ENTREP2: variants seen among roughly 807,000 people sequenced by gnomAD.
ENTREP2 encodes protein ENTREP2.
chr15:29,294,142 T>C, the ENTREP2 span, among the ~76,000 whole-genome samples: 1 of 151,928 alleles, frequency 6.6e-6, no homozygotes, highest in Non-Finnish European at 1.5e-5. Flanking sequence ...TTAGGGTGGG[T>C]ATGGGCAGCC....
the ENTREP2 span, among the ~76,000 whole-genome samples, chr15:29,528,935 ATTGTT>A: frequency 2.4e-4 from 36 of 152,006 alleles, 1 homozygote; most frequent in Middle Eastern, 0.014. Context: ...AGTGATATGT[ATTGTT>A]TTATCTGCGT....
At chr15:29,223,240 CTCTTGAAAA>C in the ENTREP2 span, among the ~76,000 whole-genome samples, 4 of 152,196 alleles carry the variant, frequency 2.6e-5, no homozygotes, top group Non-Finnish European at 4.4e-5. Flanking sequence ...TTCTTAGCTT[CTCTTGAAAA>C]GTTTCGAGTT....
At chr15:29,583,582 A>T in the ENTREP2 span, among the ~76,000 whole-genome samples, 1 of 152,212 alleles carries the variant, frequency 6.6e-6, no homozygotes, top group East Asian at 1.9e-4. Flanking sequence ...GCAAACCACC[A>T]TGGCACACAT....
the ENTREP2 span, among the ~76,000 whole-genome samples, chr15:29,202,949 T>A: frequency 6.6e-6 from 1 of 152,218 alleles, no homozygotes; most frequent in Non-Finnish European, 1.5e-5. Context: ...TAAACATACA[T>A]GTGCATGTGT....
the ENTREP2 span, among the ~76,000 whole-genome samples, chr15:29,657,188 C>T: frequency 1.3e-5 from 2 of 151,914 alleles, no homozygotes; most frequent in Admixed American, 6.6e-5. Context: ...GCTGGGACTA[C>T]ACGCGCCCAC....
At chr15:29,367,992 C>A in the ENTREP2 span, among the ~76,000 whole-genome samples, 1 of 137,942 alleles carries the variant, frequency 7.2e-6, no homozygotes. Flanking sequence ...AAGCATGGCC[C>A]ATATTCAGGC....
At chr15:29,609,009 A>G in the ENTREP2 span, among the ~76,000 whole-genome samples, 1 of 151,082 alleles carries the variant, frequency 6.6e-6, no homozygotes, top group East Asian at 2.0e-4. Flanking sequence ...TCTCAGGTCT[A>G]TCATGCCTCA....
chr15:29,664,264 C>T, the ENTREP2 span, among the ~76,000 whole-genome samples: 9,655 of 152,144 alleles, frequency 0.063, 907 homozygotes, highest in African/African-American at 0.21. Flanking sequence ...ACACCTTAAA[C>T]GTGAGAGGTG....
chr15:29,436,535 A>T, the ENTREP2 span, among the ~76,000 whole-genome samples: 1 of 152,264 alleles, frequency 6.6e-6, no homozygotes, highest in African/African-American at 2.4e-5. Flanking sequence ...TATGTATTAC[A>T]TATTCAGTCG....
chr15:29,271,979 T>C, the ENTREP2 span, among the ~76,000 whole-genome samples: 3 of 152,126 alleles, frequency 2.0e-5, no homozygotes, highest in African/African-American at 7.2e-5. Flanking sequence ...TGCTAAGGTA[T>C]TCATGTACGT....
the ENTREP2 span, among the ~76,000 whole-genome samples, chr15:29,251,347 C>T: frequency 6.6e-6 from 1 of 152,204 alleles, no homozygotes; most frequent in Non-Finnish European, 1.5e-5. Context: ...TCTGTCACAG[C>T]CAGATGTACC....
At chr15:29,229,401 C>T in the ENTREP2 span, among the ~76,000 whole-genome samples, 2 of 152,192 alleles carry the variant, frequency 1.3e-5, no homozygotes, top group Middle Eastern at 3.4e-3. Flanking sequence ...AACCTACCAC[C>T]CCCTATACCT....
At chr15:29,181,618 TGAATATATATTCATGTA>T in the ENTREP2 span, among the ~76,000 whole-genome samples, 11 of 152,144 alleles carry the variant, frequency 7.2e-5, no homozygotes, top group Admixed American at 3.9e-4. Flanking sequence ...CCATTCTACA[TGAATATATATTCATGTA>T]GTTTCATGTA....
chr15:29,621,588 CA>C, the ENTREP2 span, among the ~76,000 whole-genome samples: 20,513 of 58,808 alleles, frequency 0.35, 1,868 homozygotes, highest in South Asian at 0.38. Flanking sequence ...TGGCCACTAT[CA>C]AAAAAAAAAA....
At chr15:29,213,103 A>G in the ENTREP2 span, among the ~76,000 whole-genome samples, 4 of 152,058 alleles carry the variant, frequency 2.6e-5, no homozygotes, top group Non-Finnish European at 5.9e-5. Flanking sequence ...ATGGTTGTAG[A>G]CGTGTGGTAT....
At chr15:29,665,366 T>G in the ENTREP2 span, among the ~76,000 whole-genome samples, 1 of 152,244 alleles carries the variant, frequency 6.6e-6, no homozygotes, top group Non-Finnish European at 1.5e-5. Context: ...TGCTCAACTC[T>G]TCTGGTGTCT....
chr15:29,665,764 C>G, the ENTREP2 span, among the ~76,000 whole-genome samples: 3 of 151,676 alleles, frequency 2.0e-5, no homozygotes, highest in South Asian at 6.3e-4. Context: ...TTTAGAGGAC[C>G]TGTTTTGAAG....
At chr15:29,341,481 G>A in the ENTREP2 span, among the ~76,000 whole-genome samples, 12 of 152,338 alleles carry the variant, frequency 7.9e-5, no homozygotes, top group South Asian at 2.1e-3. Context: ...TGGGCAGCTC[G>A]ATGAAGGCTC....
At chr15:29,360,213 ATCT>A in the ENTREP2 span, among the ~76,000 whole-genome samples, 1 of 152,226 alleles carries the variant, frequency 6.6e-6, no homozygotes, top group East Asian at 1.9e-4. Flanking sequence ...CTAACGCTAT[ATCT>A]TTATAACGGT....
Sources: allele counts gnomAD v4.1 joint callset (sites outside exome capture counted in the v4.1 genomes callset), GRCh38; gene constraint gnomAD v4.1.1; transcripts MANE v1.5; gene names NCBI Gene and HGNC (gene_info 2026-07-23, HGNC 2026-07-21).